The following DENND5B variants were observed in gnomAD, a reference collection of about 807,000 sequenced individuals.
DENND5B encodes the protein DENN domain-containing protein 5B.
A neutral mutation model predicts 140.6 loss-of-function variants in DENND5B; 34 were observed. That is an observed-to-expected ratio of 0.24 (90% CI 0.18 to 0.32). The LOEUF (loss-of-function observed/expected upper bound fraction) is 0.32. Among genes scored for constraint, DENND5B ranks in the 10% least tolerant of loss-of-function variants. The pLI is 1.00. For missense variants in DENND5B, 1,142 were observed against 1,560.2 expected, an observed-to-expected ratio of 0.73 and a Z score of 4.52; for synonymous variants, 551 against 562.1, an observed-to-expected ratio of 0.98 and a Z score of 0.28.
chr12:31,527,780 GA>G (rs914212249), intron 1 of DENND5B, among the ~76,000 whole-genome samples: 83 of 145,918 alleles, frequency 5.7e-4, no homozygotes, highest in East Asian at 7.9e-4. Context: ...TCCATTTGGG[GA>G]AAAAAAAAAA....
intron 2 of DENND5B, among the ~76,000 whole-genome samples, chr12:31,483,532 G>A (rs1348968846): frequency 1.3e-5 from 2 of 149,330 alleles, no homozygotes; most frequent in Non-Finnish European, 3.0e-5. Flanking sequence ...CCTCTGCCTC[G>A]CAAGTTCAAG....
chr12:31,384,156 T>TA lies in DENND5B; in HGVS notation c.*3446dup, dbSNP rs1206680521. 5 of 152,160 alleles carry TA rather than the reference T, an allele frequency of 3.3e-5. No individual in the cohort carries two copies. Among genetic ancestry groups the TA allele is most frequent in the Admixed American group, 2.0e-4 (3 of 15,274 alleles). 9.4% of individuals were successfully genotyped at this position (152,160 alleles called of 1,614,324 possible). Reference sequence around the variant, plus strand: ...TTGTGCTCAAACTTTTGGTATAACTTAGAGACACTTATGAGCCACATAAAA... The same window carrying TA: ...TTGTGCTCAAACTTTTGGTATAACTTAAGAGACACTTATGAGCCACATAAAA... On this transcript the variant is annotated 3_prime_UTR_variant, in exon 21 of 21. Transcript: ENST00000389082.
chr12:31,431,131 CTTT>C (rs1943490771), intron 8 of DENND5B, among the ~76,000 whole-genome samples: 1 of 152,182 alleles, frequency 6.6e-6, no homozygotes, highest in African/African-American at 2.4e-5. Flanking sequence ...CTGTGCTCTT[CTTT>C]ATTTCTGCTT....
chr12:31,439,442 TC>T (rs1943925539), intron 7 of DENND5B, among the ~76,000 whole-genome samples: 1 of 152,164 alleles, frequency 6.6e-6, no homozygotes, highest in South Asian at 2.1e-4. Flanking sequence ...TTGTTTTTCT[TC>T]ATAACTCTTA....
At chr12:31,428,623 A>G (rs1339705354) in intron 8 of DENND5B, among the ~76,000 whole-genome samples, 3 of 151,916 alleles carry the variant, frequency 2.0e-5, no homozygotes, top group Non-Finnish European at 4.4e-5. Flanking sequence ...GCTGGAGTGC[A>G]ATGGCTTGAT....
At position 31,580,653 on chromosome 12, in the gene DENND5B, C is replaced by T. The variant is rs575476815; in HGVS notation, c.127+10053G>A. Among the ~76,000 whole-genome samples, 24 of 152,242 alleles carry T rather than the reference C, an allele frequency of 1.6e-4. 1 individual carries two copies. In the South Asian group the frequency reaches 2.9e-3, roughly 18 times the overall value. ...GGGATTACAGGCAAACACCACCACG[C>T]CCAGCTAATTTTTGTATTTCTAGTA... On this transcript the variant is annotated intron_variant, in intron 1 of 20. Coordinates refer to ENST00000389082, the MANE Select transcript of DENND5B (RefSeq NM_144973.4).
chr12:31,579,739 G>C (rs867449183), intron 1 of DENND5B, among the ~76,000 whole-genome samples: 28 of 147,430 alleles, frequency 1.9e-4, no homozygotes, highest in Middle Eastern at 3.5e-3. Flanking sequence ...GGGGAGGGGA[G>C]GGGAGGGAAG....
chr12:31,427,569 G>A (rs1396807312), intron 8 of DENND5B, among the ~76,000 whole-genome samples: 1 of 149,566 alleles, frequency 6.7e-6, no homozygotes, highest in Non-Finnish European at 1.5e-5. Context: ...TGGCGTCACT[G>A]CACTCCAGCC....
chr12:31,501,940 A>G (rs1357516026), intron 1 of DENND5B, among the ~76,000 whole-genome samples: 1 of 152,190 alleles, frequency 6.6e-6, no homozygotes, highest in Non-Finnish European at 1.5e-5. Flanking sequence ...TGGGAACTCC[A>G]TTCTCAATTT....
intron 1 of DENND5B, among the ~76,000 whole-genome samples, chr12:31,570,548 A>G (rs1452316168): frequency 6.6e-6 from 1 of 151,206 alleles, no homozygotes; most frequent in Non-Finnish European, 1.5e-5. Flanking sequence ...AAGTGCTGGG[A>G]TTACAGGCGT....
intron 8 of DENND5B, among the ~76,000 whole-genome samples, chr12:31,431,885 CAAG>C (rs1298201811): frequency 6.6e-6 from 1 of 152,054 alleles, no homozygotes; most frequent in African/African-American, 2.4e-5. Context: ...CTAAACATAA[CAAG>C]AAGCAGAGAG....
chr12:31,536,198 C>T (rs1948487866), intron 1 of DENND5B, among the ~76,000 whole-genome samples: 1 of 152,006 alleles, frequency 6.6e-6, no homozygotes, highest in Non-Finnish European at 1.5e-5. Context: ...GCCAATTAAA[C>T]CTCTTTTATT....
chr12:31,551,479 T>C (rs1592032300), intron 1 of DENND5B, among the ~76,000 whole-genome samples: 2 of 152,336 alleles, frequency 1.3e-5, no homozygotes, highest in East Asian at 3.9e-4. Flanking sequence ...TGTAGTATAG[T>C]TTGAAGTCAG....
intron 1 of DENND5B, among the ~76,000 whole-genome samples, chr12:31,557,163 C>T (rs1592046588): frequency 6.6e-6 from 1 of 152,060 alleles, no homozygotes; most frequent in Non-Finnish European, 1.5e-5. Context: ...ATTAGTAAGA[C>T]ATTAAATACA....
intron 3 of DENND5B, among the ~76,000 whole-genome samples, chr12:31,475,163 G>A (rs1945738693): frequency 6.6e-6 from 1 of 152,126 alleles, no homozygotes; most frequent in African/African-American, 2.4e-5. Flanking sequence ...AGGATTAAAT[G>A]TAGGGAAAAG....
chr12:31,525,342 A>G (rs985950460), intron 1 of DENND5B, among the ~76,000 whole-genome samples: 1 of 152,248 alleles, frequency 6.6e-6, no homozygotes, highest in Non-Finnish European at 1.5e-5. Context: ...ATAAAATAGA[A>G]TATCTGGCCA....
chr12:31,550,047 T>TTTTTTC (rs1215194405), intron 1 of DENND5B, among the ~76,000 whole-genome samples: 1 of 151,660 alleles, frequency 6.6e-6, no homozygotes, highest in Non-Finnish European at 1.5e-5. Context: ...AGGCCATTCT[T>TTTTTTC]TTTTTCTTTT....
chr12:31,583,027 C>T (rs1310662074), intron 1 of DENND5B, among the ~76,000 whole-genome samples: 1 of 152,228 alleles, frequency 6.6e-6, no homozygotes, highest in African/African-American at 2.4e-5. Flanking sequence ...GGCGTGGTGG[C>T]TCACGCCTGT....
At chr12:31,560,703 G>A (rs1949444370) in intron 1 of DENND5B, among the ~76,000 whole-genome samples, 1 of 152,054 alleles carries the variant, frequency 6.6e-6, no homozygotes, top group Non-Finnish European at 1.5e-5. Flanking sequence ...CTTCATGATG[G>A]GGCCTCCTGT....
Sources: allele counts gnomAD v4.1 joint callset (sites outside exome capture counted in the v4.1 genomes callset), GRCh38; gene constraint gnomAD v4.1.1; transcripts MANE v1.5; gene names NCBI Gene and HGNC (gene_info 2026-07-23, HGNC 2026-07-21).